Variants in COXFA4L2 observed in about 807,000 individuals in gnomAD.
The protein encoded by COXFA4L2 is NADH dehydrogenase (ubiquinone) 1 alpha subcomplex, 4-like 2.
At chr12:57,239,235 C>G in the COXFA4L2 span, among the ~76,000 whole-genome samples, 5 of 152,218 alleles carry the variant, frequency 3.3e-5, no homozygotes, top group East Asian at 9.6e-4. The surrounding 1 kb of genome is among the most constrained non-coding windows in gnomAD (Gnocchi z 5.5). Context: ...CCCTGGAGGC[C>G]GAGCGGCCCC....
chr12:57,236,647 A>G, the COXFA4L2 span: 4 of 1,579,146 alleles, frequency 2.5e-6, no homozygotes, highest in Non-Finnish European at 3.4e-6. Flanking sequence ...AGCGCTGCCC[A>G]TGCCCAGGCA....
the COXFA4L2 span, chr12:57,235,201 G>A: frequency 6.7e-6 from 2 of 297,344 alleles, no homozygotes; most frequent in East Asian, 6.3e-5. Flanking sequence ...GGCACTCAGA[G>A]GCCCCTGCTT....
chr12:57,235,924 C>T, the COXFA4L2 span: 4 of 831,478 alleles, frequency 4.8e-6, no homozygotes, highest in African/African-American at 5.2e-5. Context: ...AGTACCCCTG[C>T]CTCCTGCCCT....
At chr12:57,237,023 A>G in the COXFA4L2 span, 2 of 1,613,260 alleles carry the variant, frequency 1.2e-6, no homozygotes, top group Non-Finnish European at 1.7e-6. Flanking sequence ...GGTTCTGAGG[A>G]CTCACCCCCG....
At chr12:57,236,734 C>A in the COXFA4L2 span, 1 of 1,478,662 alleles carries the variant, frequency 6.8e-7, no homozygotes, top group South Asian at 1.3e-5. Flanking sequence ...CCGCAGTTCC[C>A]AGTCACCCTT....
the COXFA4L2 span, among the ~76,000 whole-genome samples, chr12:57,238,212 A>C: frequency 6.6e-6 from 1 of 152,118 alleles, no homozygotes; most frequent in African/African-American, 2.4e-5. The surrounding 1 kb of genome is among the most constrained non-coding windows in gnomAD (Gnocchi z 6.8). Context: ...GTCGGGGTAC[A>C]GGGAGGGAGA....
the COXFA4L2 span, chr12:57,236,646 C>G: frequency 1.9e-6 from 3 of 1,578,954 alleles, no homozygotes; most frequent in Admixed American, 5.7e-5. Flanking sequence ...CAGCGCTGCC[C>G]ATGCCCAGGC....
the COXFA4L2 span, chr12:57,235,391 A>G: frequency 1.4e-6 from 1 of 718,996 alleles, no homozygotes; most frequent in Non-Finnish European, 2.4e-6. Flanking sequence ...TGCTGGGAGC[A>G]AGGGAGGAGA....
At chr12:57,237,621 G>A in the COXFA4L2 span, among the ~76,000 whole-genome samples, 2 of 152,214 alleles carry the variant, frequency 1.3e-5, no homozygotes, top group African/African-American at 2.4e-5. Flanking sequence ...GGCCCACACC[G>A]TAAAGCTCCC....
At chr12:57,236,825 C>T in the COXFA4L2 span, 37 of 973,480 alleles carry the variant, frequency 3.8e-5, no homozygotes, top group Non-Finnish European at 2.8e-5. Flanking sequence ...TATTTCCTGG[C>T]ATGGTCTCCC....
At chr12:57,237,166 G>A in the COXFA4L2 span, 6 of 1,613,042 alleles carry the variant, frequency 3.7e-6, no homozygotes, top group Admixed American at 1.0e-4. Flanking sequence ...AGTGGGGAGG[G>A]ATCAGCCCAG....
chr12:57,235,325 G>A, the COXFA4L2 span: 45 of 593,312 alleles, frequency 7.6e-5, 1 homozygote, highest in East Asian at 1.1e-3. Context: ...TGCTGGTGCT[G>A]CCTGCCTCCT....
At chr12:57,235,450 G>T in the COXFA4L2 span, 1 of 1,156,640 alleles carries the variant, frequency 8.6e-7, no homozygotes, top group Non-Finnish European at 1.3e-6. Context: ...GCCTGTGTAA[G>T]CAGTAGCGGG....
chr12:57,236,815 T>C, the COXFA4L2 span: 7 of 735,796 alleles, frequency 9.5e-6, no homozygotes, highest in African/African-American at 1.3e-4. Context: ...CCTACAACCA[T>C]ATTTCCTGGC....
At chr12:57,235,233 C>T in the COXFA4L2 span, 8 of 391,092 alleles carry the variant, frequency 2.0e-5, no homozygotes, top group African/African-American at 6.1e-5. Context: ...ACGTAGGCCA[C>T]GCTCAACACG....
the COXFA4L2 span, chr12:57,236,597 C>T: frequency 6.3e-6 from 10 of 1,579,566 alleles, no homozygotes; most frequent in East Asian, 2.3e-5. Context: ...CTTTACCAGA[C>T]GTCGGGGCTG....
chr12:57,240,475 G>T, the COXFA4L2 span: 1 of 154,944 alleles, frequency 6.5e-6, no homozygotes. Flanking sequence ...GGATGGAGAT[G>T]ATGCGGATGG....
At chr12:57,235,894 G>A in the COXFA4L2 span, 5 of 1,293,816 alleles carry the variant, frequency 3.9e-6, no homozygotes, top group South Asian at 1.7e-5. Flanking sequence ...AGCTCCACCC[G>A]GAGGCTCTGG....
the COXFA4L2 span, chr12:57,235,840 C>A: frequency 2.0e-6 from 3 of 1,511,200 alleles, no homozygotes; most frequent in South Asian, 1.3e-5. Flanking sequence ...GGGTTAGGGT[C>A]TCCTCCCTGG....
Sources: gnomAD v4.1 joint callset for allele counts (sites outside exome capture counted in the v4.1 genomes callset) on GRCh38, gnomAD v4.1.1 for gene constraint, Gnocchi (gnomAD v3.1) non-coding constraint, MANE v1.5 for transcripts, NCBI Gene and HGNC (gene_info 2026-07-23, HGNC 2026-07-21) for gene names.